The following TMEM132D variants were observed in gnomAD, a reference collection of about 807,000 sequenced individuals.
TMEM132D encodes the protein mature OL transmembrane protein.
A neutral mutation model predicts 62.3 loss-of-function variants in TMEM132D; 21 were observed. The ratio of observed to expected loss-of-function variants is 0.34; its 90% confidence interval spans 0.24 to 0.49. TMEM132D has a LOEUF of 0.49. TMEM132D is among the 20% of genes least tolerant of loss of function. TMEM132D has a pLI of 0.99. For missense variants in TMEM132D, 1,346 were observed against 1,402.8 expected (o/e 0.96, Z 0.65); for synonymous variants, 621 against 575.6 (o/e 1.08, Z -1.13).
intron 5 of TMEM132D, among the ~76,000 whole-genome samples, chr12:129,184,144 C>T (rs1878154588): frequency 6.6e-6 from 1 of 152,180 alleles, no homozygotes; most frequent in Non-Finnish European, 1.5e-5. Flanking sequence ...CCCCTGTCAC[C>T]ACCAAGTCTG....
At chr12:129,291,954 A>C (rs1208947970) in intron 4 of TMEM132D, among the ~76,000 whole-genome samples, 3 of 151,990 alleles carry the variant, frequency 2.0e-5, no homozygotes, top group Admixed American at 2.0e-4. Flanking sequence ...TTTAAGGGGG[A>C]TGGGGGGAGT....
At chr12:129,722,360 A>G (rs1027194325) in intron 1 of TMEM132D, among the ~76,000 whole-genome samples, 13 of 152,154 alleles carry the variant, frequency 8.5e-5, no homozygotes, top group Non-Finnish European at 1.9e-4. Context: ...AGCTGGTGCC[A>G]CCCCAACCTG....
intron 2 of TMEM132D, among the ~76,000 whole-genome samples, chr12:129,543,512 T>TC (rs1876650113): frequency 6.6e-6 from 1 of 152,206 alleles, no homozygotes; most frequent in East Asian, 1.9e-4. Flanking sequence ...ACACTCTACC[T>TC]AGTGAACATC....
chr12:129,782,429 G>GTACA (rs1871145415), intron 1 of TMEM132D, among the ~76,000 whole-genome samples: 2 of 152,322 alleles, frequency 1.3e-5, no homozygotes, highest in South Asian at 4.1e-4. Flanking sequence ...CTGTGCCTTT[G>GTACA]TTGTTTGTAC....
chr12:129,284,311 C>T (rs952859759), intron 4 of TMEM132D, among the ~76,000 whole-genome samples: 3 of 152,380 alleles, frequency 2.0e-5, no homozygotes, highest in African/African-American at 2.4e-5. Context: ...GACCCATCTA[C>T]ATCATCTGAA....
At chr12:129,756,526 C>T (rs964703095) in intron 1 of TMEM132D, among the ~76,000 whole-genome samples, 2 of 151,992 alleles carry the variant, frequency 1.3e-5, no homozygotes, top group African/African-American at 2.4e-5. Flanking sequence ...CTGGGGAAGT[C>T]GTAAACAGGG....
At chr12:129,075,946 C>T (rs1470957837) in intron 8 of TMEM132D, among the ~76,000 whole-genome samples, 1 of 142,836 alleles carries the variant, frequency 7.0e-6, no homozygotes, top group African/African-American at 2.5e-5. Flanking sequence ...TCTCAGAGAA[C>T]CTGCTCCGCC....
intron 4 of TMEM132D, among the ~76,000 whole-genome samples, chr12:129,287,683 T>C (rs966631663): frequency 9.2e-5 from 14 of 152,192 alleles, no homozygotes; most frequent in Admixed American, 9.2e-4. Context: ...TGGCATCATA[T>C]TCCTTTTGAT....
rs2137227362 is a variant in TMEM132D, at chr12:129,700,472, G to A, written c.306C>T (p.Ile102=). The A allele has an allele frequency of 6.2e-7, 1 of 1,614,132 alleles. No homozygotes were observed. The highest frequency in any genetic ancestry group is 8.5e-7 in the Non-Finnish European group (1 of 1,180,038). ...TTAAATCCTGGGGCACCACTTGCTCGATGGAGAAAGGCCCGTAGCTGGCAT... is the reference window on the plus strand; with the variant it reads ...TTAAATCCTGGGGCACCACTTGCTCAATGGAGAAAGGCCCGTAGCTGGCAT... ...VLNASYGPFS[I]EQVVPQDLML... is the part of the protein sequence containing the mutation. Residue 102 remains isoleucine (I), a synonymous_variant, in exon 2 of 9, where the codon ATC becomes ATT. Transcript: ENST00000422113.
At chr12:129,292,994 A>C (rs958192122) in intron 4 of TMEM132D, among the ~76,000 whole-genome samples, 1 of 152,164 alleles carries the variant, frequency 6.6e-6, no homozygotes, top group African/African-American at 2.4e-5. Context: ...TCTGTTTCCC[A>C]GAACGAGCCG....
In TMEM132D at chr12:129,579,803, C is replaced by T. The variant is rs75040557; in HGVS notation, c.969-48598G>A. 5.2e-3 allele frequency among the ~76,000 whole-genome samples: 789 copies of T among 152,268 alleles called. 8 individuals carry two copies. The highest frequency in any genetic ancestry group is 0.018 in the African/African-American group (735 of 41,540). ...TCCTCTGGCAACATCCAGAAACACC[C>T]AGAAGCAATACTTTACATCATTCAA... On this transcript the variant is annotated intron_variant, in intron 2 of 8. Coordinates refer to ENST00000422113, the MANE Select transcript of TMEM132D (RefSeq NM_133448.3).
intron 4 of TMEM132D, among the ~76,000 whole-genome samples, chr12:129,261,845 C>T (rs1408795322): frequency 6.6e-6 from 1 of 152,118 alleles, no homozygotes; most frequent in East Asian, 1.9e-4. Context: ...GTCCCTATGT[C>T]CAAATACAGT....
chr12:129,839,338 A>C (rs943534949), intron 1 of TMEM132D, among the ~76,000 whole-genome samples: 1 of 151,082 alleles, frequency 6.6e-6, no homozygotes, highest in Non-Finnish European at 1.5e-5. Flanking sequence ...ATGTTGGCCA[A>C]GCTGGTCTCG....
At chr12:129,136,929 C>T (rs945241785) in intron 5 of TMEM132D, among the ~76,000 whole-genome samples, 1 of 150,300 alleles carries the variant, frequency 6.7e-6, no homozygotes, top group African/African-American at 2.5e-5. Flanking sequence ...CCACCACCAT[C>T]ATCATCATCA....
Position 129,485,686 on chromosome 12 carries a change from A to G in TMEM132D, c.1115+45373T>C, listed in dbSNP as rs796294872. On this transcript the variant is annotated intron_variant, in intron 3 of 8. Coordinates refer to ENST00000422113, the MANE Select transcript of TMEM132D (RefSeq NM_133448.3). Reference sequence around the variant, plus strand: ...AATGCAGGCAGACCTCTCCACAGGAACATGCCCCTTTGTGTGGCAAGGAGG... The same window carrying G: ...AATGCAGGCAGACCTCTCCACAGGAGCATGCCCCTTTGTGTGGCAAGGAGG... Among the ~76,000 whole-genome samples the G allele has an allele frequency of 3.2e-4, 48 of 152,328 alleles. 1 individual carries two copies. Among genetic ancestry groups the G allele is most frequent in the African/African-American group, 1.1e-3 (47 of 41,580 alleles).
At chr12:129,312,225 G>T (rs1016278321) in intron 4 of TMEM132D, among the ~76,000 whole-genome samples, 41 of 152,170 alleles carry the variant, frequency 2.7e-4, no homozygotes, top group African/African-American at 9.9e-4. Context: ...TTAACAGTTG[G>T]CTTTGGGGAA....
intron 4 of TMEM132D, among the ~76,000 whole-genome samples, chr12:129,289,875 C>T (rs1259524297): frequency 6.6e-6 from 1 of 152,206 alleles, no homozygotes; most frequent in African/African-American, 2.4e-5. Flanking sequence ...TAAGACAAGG[C>T]CATAGAAAAC....
intron 4 of TMEM132D, among the ~76,000 whole-genome samples, chr12:129,312,853 A>T (rs1882013631): frequency 6.6e-6 from 1 of 152,254 alleles, no homozygotes; most frequent in South Asian, 2.1e-4. Context: ...AAATAGATGA[A>T]GCATCAGATG....
chr12:129,724,894 C>A (rs1333008207), intron 1 of TMEM132D, among the ~76,000 whole-genome samples: 4 of 152,178 alleles, frequency 2.6e-5, no homozygotes, highest in African/African-American at 9.7e-5. Context: ...CAGCTAGGCA[C>A]ACGGGAAGAT....
Sources: allele counts gnomAD v4.1 joint callset (sites outside exome capture counted in the v4.1 genomes callset), GRCh38; gene constraint gnomAD v4.1.1; transcripts MANE v1.5; gene names NCBI Gene and HGNC (gene_info 2026-07-23, HGNC 2026-07-21).